AGAP1: variants seen among roughly 807,000 people sequenced by gnomAD.
AGAP1 encodes the protein ArfGAP with GTPase domain, ankyrin repeat and PH domain 1.
A neutral mutation model predicts 105.3 loss-of-function variants in AGAP1; 29 were observed. That is an observed-to-expected ratio of 0.28 (90% CI 0.21 to 0.38). The LOEUF (loss-of-function observed/expected upper bound fraction) is 0.38, where lower values mean the gene tolerates loss of function less well. Among genes scored for constraint, AGAP1 ranks in the 10% least tolerant of loss-of-function variants. The pLI is 1.00. For synonymous variants in AGAP1, 509 were observed against 485.9 expected (o/e 1.05, Z -0.63); for missense variants, 998 against 1,165.1 (o/e 0.86, Z 2.09).
chr2:235,713,591 A>G (rs980506729), intron 2 of AGAP1, among the ~76,000 whole-genome samples: 1 of 152,248 alleles, frequency 6.6e-6, no homozygotes, highest in African/African-American at 2.4e-5. Flanking sequence ...AGGAAGCCAG[A>G]TCAACACACT....
Position 235,930,678 on chromosome 2 carries a change from C to A in AGAP1, c.1325-87C>A. On this transcript the variant is annotated intron_variant, in intron 11 of 17. Transcript: ENST00000304032. This position sits in a 1 kb window ranked among gnomAD's most constrained non-coding sequence, Gnocchi z 7.9. Reference sequence around the variant, plus strand: ...TCTCGGTGGTAAGGTGCACTATGTGCCAGCGTGTGGGTCCCATAGACTAAC... The same window carrying A: ...TCTCGGTGGTAAGGTGCACTATGTGACAGCGTGTGGGTCCCATAGACTAAC... The A allele has an allele frequency of 7.4e-7, 1 of 1,345,954 alleles. No individual in the cohort carries two copies. The highest frequency in any genetic ancestry group is 1.0e-6 in the Non-Finnish European group (1 of 993,202). 83.4% of individuals were successfully genotyped at this position (1,345,954 alleles called of 1,614,324 possible). A position where few individuals can be genotyped will look rare whatever the true frequency, so the allele number is the denominator to read the frequency against.
intron 10 of AGAP1, among the ~76,000 whole-genome samples, chr2:235,886,343 C>T (rs2050274842): frequency 6.6e-6 from 1 of 152,264 alleles, no homozygotes; most frequent in African/African-American, 2.4e-5. Flanking sequence ...CACTGCTGAG[C>T]TCAGGCTCAG....
At chr2:235,770,154 G>T (rs1955318975) in intron 6 of AGAP1, among the ~76,000 whole-genome samples, 1 of 94,062 alleles carries the variant, frequency 1.1e-5, no homozygotes. Context: ...TTGAGACGGA[G>T]TCTCACTGTA....
chr2:235,597,410 C>T (rs1015546393), intron 1 of AGAP1, among the ~76,000 whole-genome samples: 12 of 152,344 alleles, frequency 7.9e-5, no homozygotes, highest in Middle Eastern at 3.4e-3. Context: ...GGCCACACAC[C>T]TTGGCCACCC....
At position 235,658,247 on chromosome 2, in the gene AGAP1, A is replaced by G. The variant is rs541425403; in HGVS notation, c.164-50932A>G. Among the ~76,000 whole-genome samples, 355 of 152,214 alleles carry G rather than the reference A, an allele frequency of 2.3e-3. 1 individual carries two copies. Among genetic ancestry groups the G allele is most frequent in the Non-Finnish European group, 3.0e-3 (205 of 68,026 alleles). On this transcript the variant is annotated intron_variant, in intron 1 of 17. Coordinates refer to ENST00000304032, the MANE Select transcript of AGAP1 (RefSeq NM_001037131.3). ...TTCTAGTTTGTGCATACCTTCTTCT[A>G]TTAGCAAAATGTCTTCTATTACCAG...
rs1004617476 is a variant in AGAP1 at position 235,906,331 on chromosome 2, C to T, written c.1156-2407C>T. Among the ~76,000 whole-genome samples, 2 of 152,198 alleles carry T rather than the reference C, an allele frequency of 1.3e-5. No homozygotes were observed. The highest frequency in any genetic ancestry group is 4.8e-5 in the African/African-American group (2 of 41,460). ...GCCCCACTGTAGCACAGTTTCTGAT[C>T]CTTTCTCCAGTGGTCTTCAGCCCAT... On this transcript the variant is annotated intron_variant, in intron 10 of 17. Transcript: ENST00000304032. The surrounding 1 kb of genome is among the most constrained non-coding windows in gnomAD (Gnocchi z 5.3).
In AGAP1 at chr2:235,724,582, G is replaced by C. The variant is rs1304472177; in HGVS notation, c.310+6938G>C. On this transcript the variant is annotated intron_variant, in intron 3 of 17. Transcript: ENST00000304032. This position sits in a 1 kb window ranked among gnomAD's most constrained non-coding sequence, Gnocchi z 4.9. ...CCCAGATGGAAAAGGTACCTGCGGT[G>C]GTGGGGGGAGGGGGAGTTCCCTATG... Among the ~76,000 whole-genome samples, 12 of 152,168 alleles carry C rather than the reference G, an allele frequency of 7.9e-5. No individual in the cohort carries two copies. Among genetic ancestry groups the C allele is most frequent in the Non-Finnish European group, 1.6e-4 (11 of 68,030 alleles).
chr2:235,833,853 T>TG (rs1959769510), intron 9 of AGAP1, among the ~76,000 whole-genome samples: 2 of 126,636 alleles, frequency 1.6e-5, no homozygotes, highest in South Asian at 2.7e-4. Flanking sequence ...TCCTCCAATC[T>TG]GGTTTTTTTT....
In AGAP1 at chr2:235,604,572, C is replaced by CTTTTT. The variant is rs1166523228; in HGVS notation, c.164-104583_164-104579dup. 8.6e-5 allele frequency among the ~76,000 whole-genome samples: 6 copies of CTTTTT among 69,672 alleles called. 1 individual carries two copies. Among genetic ancestry groups the CTTTTT allele is most frequent in the South Asian group, 1.4e-3 (2 of 1,478 alleles). The allele number at this position is 69,672 out of a possible 152,430, so 45.7% of individuals were successfully genotyped here. A position where few individuals can be genotyped will look rare whatever the true frequency, so the allele number is the denominator to read the frequency against. ...CGTGTTTCTTTTTTATTTTTATTATCTTTTTTTTTTTTTTTTTTTTTTTTT... is the reference window on the plus strand; with the variant it reads ...CGTGTTTCTTTTTTATTTTTATTATCTTTTTTTTTTTTTTTTTTTTTTTTTTTTTT... On this transcript the variant is annotated intron_variant, in intron 1 of 17. Transcript: ENST00000304032.
Position 236,044,699 on chromosome 2 carries a change from G to A in AGAP1, c.1891+3858G>A, listed in dbSNP as rs542545544. On this transcript the variant is annotated intron_variant, in intron 15 of 17. Coordinates refer to ENST00000304032, the MANE Select transcript of AGAP1 (RefSeq NM_001037131.3). This position sits in a 1 kb window ranked among gnomAD's most constrained non-coding sequence, Gnocchi z 5.7. ...AGCTTGGCCCACAAATAGAACCTCC[G>A]GTCCCGCAACGTCGGGTCTCCTTCC... is the stretch of plus-strand genomic sequence containing the variant. Among the ~76,000 whole-genome samples, 2 of 152,138 alleles carry A rather than the reference G, an allele frequency of 1.3e-5. No individual in the cohort carries two copies. The highest frequency in any genetic ancestry group is 2.1e-4 in the South Asian group (1 of 4,810).
At position 236,050,720 on chromosome 2, in the gene AGAP1, T is replaced by C. The variant is rs1158918430; in HGVS notation, c.2114+1439T>C. Among the ~76,000 whole-genome samples the C allele has an allele frequency of 6.6e-6, 1 of 152,186 alleles. No individual in the cohort carries two copies. Among genetic ancestry groups the C allele is most frequent in the African/African-American group, 2.4e-5 (1 of 41,448 alleles). ...AAAACATTGAAATAAGCTGGAAAAA[T>C]CTATGCATCTTACTGTTTATATGTA... is the stretch of plus-strand genomic sequence containing the variant. On this transcript the variant is annotated intron_variant, in intron 16 of 17. Coordinates refer to ENST00000304032, the MANE Select transcript of AGAP1 (RefSeq NM_001037131.3). The surrounding 1 kb of genome is among the most constrained non-coding windows in gnomAD (Gnocchi z 4.0).
intron 1 of AGAP1, among the ~76,000 whole-genome samples, chr2:235,589,660 G>A (rs1260972399): frequency 1.3e-5 from 2 of 152,044 alleles, no homozygotes; most frequent in South Asian, 2.1e-4. Flanking sequence ...TATTCTGGAT[G>A]ACAGAATGAA....
At chr2:235,680,926 CTGCAGCTCAGGA>C (rs1949031757) in intron 1 of AGAP1, among the ~76,000 whole-genome samples, 1 of 152,142 alleles carries the variant, frequency 6.6e-6, no homozygotes, top group Admixed American at 6.5e-5. Flanking sequence ...ATGCTCACAG[CTGCAGCTCAGGA>C]TGCAGCCAGC....
rs2125886406 is a variant in AGAP1, at chr2:236,095,818, T to A, written c.2115-24374T>A. On this transcript the variant is annotated intron_variant, in intron 16 of 17. Transcript: ENST00000304032. The surrounding 1 kb of genome is among the most constrained non-coding windows in gnomAD (Gnocchi z 4.1). ...AGATAGTCCCTAAGAGCTGGCCAAC[T>A]TCCACGATCATTATATTTTTGAGTT... 6.6e-6 allele frequency among the ~76,000 whole-genome samples: 1 copy of A among 152,338 alleles called. No homozygotes were observed. The highest frequency in any genetic ancestry group is 1.9e-4 in the East Asian group (1 of 5,190).
In AGAP1 at chr2:236,095,061, T is replaced by C. The variant is rs2059158549; in HGVS notation, c.2115-25131T>C. Among the ~76,000 whole-genome samples the C allele has an allele frequency of 6.7e-6, 1 of 150,074 alleles. No individual in the cohort carries two copies. The highest frequency in any genetic ancestry group is 2.1e-4 in the South Asian group (1 of 4,732). On this transcript the variant is annotated intron_variant, in intron 16 of 17. Coordinates refer to ENST00000304032, the MANE Select transcript of AGAP1 (RefSeq NM_001037131.3). This position sits in a 1 kb window ranked among gnomAD's most constrained non-coding sequence, Gnocchi z 4.1. ...CTGCAGTGAGCCCTGATCAAGCCAT[T>C]GTACTTTAGCCTTGGTGAGAGTGAG... is the stretch of plus-strand genomic sequence containing the variant.
At chr2:235,837,283 C>A (rs1213831883) in intron 9 of AGAP1, among the ~76,000 whole-genome samples, 1 of 152,006 alleles carries the variant, frequency 6.6e-6, no homozygotes, top group Admixed American at 6.5e-5. Context: ...CTGCACCCAG[C>A]CTTCAAGGGT....
At chr2:235,645,998 C>T (rs893179612) in intron 1 of AGAP1, among the ~76,000 whole-genome samples, 6 of 152,082 alleles carry the variant, frequency 3.9e-5, no homozygotes, top group Non-Finnish European at 8.8e-5. Flanking sequence ...TTGTTCTGGG[C>T]GGGCGCAGTG....
intron 16 of AGAP1, among the ~76,000 whole-genome samples, chr2:236,110,154 A>G (rs2059606905): frequency 6.6e-6 from 1 of 152,136 alleles, no homozygotes; most frequent in South Asian, 2.1e-4. Flanking sequence ...TAAGAATAGG[A>G]CCTTCCTCAC....
At chr2:235,833,725 C>T (rs1311969052) in intron 9 of AGAP1, among the ~76,000 whole-genome samples, 1 of 151,978 alleles carries the variant, frequency 6.6e-6, no homozygotes, top group Non-Finnish European at 1.5e-5. Flanking sequence ...AATGGGATCC[C>T]ACTACAAATA....
Sources: gnomAD v4.1 joint callset for allele counts (sites outside exome capture counted in the v4.1 genomes callset) on GRCh38, gnomAD v4.1.1 for gene constraint, Gnocchi (gnomAD v3.1) non-coding constraint, MANE v1.5 for transcripts, NCBI Gene and HGNC (gene_info 2026-07-23, HGNC 2026-07-21) for gene names.